Variants in MYO18A observed in about 807,000 individuals in gnomAD.
MYO18A encodes the protein unconventional myosin-XVIIIa.
Under a neutral mutation model 235.8 loss-of-function variants are expected in MYO18A, and 78 were observed. The ratio of observed to expected loss-of-function variants is 0.33; its 90% CI spans 0.28 to 0.40. The LOEUF is 0.40. Among genes scored for constraint, MYO18A ranks in the 10% least tolerant of loss-of-function variants. The pLI is 1.00. For missense variants in MYO18A, 2,215 were observed against 2,699.3 expected, an observed-to-expected ratio of 0.82 and a Z score of 3.98; for synonymous variants, 977 against 1,077.8, an observed-to-expected ratio of 0.91 and a Z score of 1.83.
rs1468625530 is a variant in MYO18A at position 29,159,478 on chromosome 17, C to A, written c.999+6464G>T. 5.9e-5 allele frequency among the ~76,000 whole-genome samples: 9 copies of A among 151,600 alleles called. 1 individual carries two copies. Among genetic ancestry groups the A allele is most frequent in the Admixed American group, 3.3e-4 (5 of 15,234 alleles). On this transcript the variant is annotated intron_variant, in intron 2 of 41. Coordinates refer to ENST00000527372, the MANE Select transcript of MYO18A (RefSeq NM_078471.4). ...GTTTTTAAAAACAAAACAAAACAAA[C>A]AAAAAAAACAGAAACAGAAACCAAA...
chr17:29,117,898 G>T lies in MYO18A; in HGVS notation c.2038+147C>A. ...TGCTTCCCGGGCCTTCTGCTCTGAA[G>T]TGGGGGGCTGAGAAGAGGCACAAGC... On this transcript the variant is annotated intron_variant, in intron 10 of 41. Coordinates refer to ENST00000527372, the MANE Select transcript of MYO18A (RefSeq NM_078471.4). This position sits in a 1 kb window ranked among gnomAD's most constrained non-coding sequence, Gnocchi z 4.6. 1.0e-6 allele frequency: 1 copy of T among 972,064 alleles called. No individual in the cohort carries two copies. The highest frequency in any genetic ancestry group is 1.5e-6 in the Non-Finnish European group (1 of 669,674). 60.2% of individuals were successfully genotyped at this position (972,064 alleles called of 1,614,324 possible). A position where few individuals can be genotyped will look rare whatever the true frequency, so the allele number is the denominator to read the frequency against.
intron 1 of MYO18A, among the ~76,000 whole-genome samples, chr17:29,173,850 C>T (rs1222955385): frequency 1.3e-5 from 2 of 152,190 alleles, no homozygotes; most frequent in Non-Finnish European, 1.5e-5. Context: ...TAGATCACTA[C>T]AGACTTGAAC....
intron 2 of MYO18A, among the ~76,000 whole-genome samples, chr17:29,144,102 C>T (rs1314077768): frequency 3.3e-5 from 5 of 152,208 alleles, no homozygotes. Context: ...CAGCTAGTCC[C>T]TCTGCTGCCC....
chr17:29,174,052 G>T (rs2068467512), intron 1 of MYO18A, among the ~76,000 whole-genome samples: 1 of 152,152 alleles, frequency 6.6e-6, no homozygotes, highest in Non-Finnish European at 1.5e-5. Context: ...AGGATTACAG[G>T]CACCACCACT....
In MYO18A at chr17:29,171,083, T is replaced by C. The variant is rs112680779; in HGVS notation, c.-81-4062A>G. ...AGGGAACTTTTTGGGGTGATATTCA[T>C]GTCCTGTATATTGATAGCGGTTTGG... On this transcript the variant is annotated intron_variant, in intron 1 of 41. Coordinates refer to ENST00000527372, the MANE Select transcript of MYO18A (RefSeq NM_078471.4). Among the ~76,000 whole-genome samples, 671 of 152,318 alleles carry C rather than the reference T, an allele frequency of 4.4e-3. 3 individuals are homozygous for C. The highest frequency in any genetic ancestry group is 0.02 in the Middle Eastern group (6 of 294).
rs761503143 is a variant in MYO18A at position 29,118,102 on chromosome 17, C to G, written c.1981G>C (p.Ala661Pro). The change falls in exon 10 of 42, where the codon GCC (alanine) becomes CCC (proline). Residue 661 changes from alanine (A) to proline (P), a missense_variant. Transcript: ENST00000527372. This position sits in a 1 kb window ranked among gnomAD's most constrained non-coding sequence, Gnocchi z 4.2. ...VLGISPDEQK[A>P]CWFILAAIYH... ...ATGGCAGCCAGAATGAACCAGCAGG[C>G]CTTCTGTTCATCGGGGGAGATGCCC... is the stretch of plus-strand genomic sequence containing the variant. 8 of 1,594,452 alleles carry G rather than the reference C, an allele frequency of 5.0e-6. No homozygotes were observed. The highest frequency in any genetic ancestry group is 6.8e-6 in the Non-Finnish European group (8 of 1,170,386).
intron 14 of MYO18A, chr17:29,114,390 C>A: frequency 2.7e-6 from 1 of 374,842 alleles, no homozygotes; most frequent in Non-Finnish European, 4.8e-6. Context: ...ACACAATCAT[C>A]CTTGAAACAC....
In MYO18A at chr17:29,126,460, AG is replaced by A. The variant is rs1487848071; in HGVS notation, c.1000-4208del. ...CCCATGCCAGCTCCTCCCTGTGAGC[AG>A]GAACAGGCACTTCCCTGATTCACAG... On this transcript the variant is annotated intron_variant, in intron 2 of 41. Transcript: ENST00000527372. This position sits in a 1 kb window ranked among gnomAD's most constrained non-coding sequence, Gnocchi z 4.1. Among the ~76,000 whole-genome samples, 1 of 152,188 alleles carries A rather than the reference AG, an allele frequency of 6.6e-6. No individual in the cohort carries two copies. Among genetic ancestry groups the A allele is most frequent in the Non-Finnish European group, 1.5e-5 (1 of 68,030 alleles).
Position 29,124,769 on chromosome 17 carries a change from T to C in MYO18A, c.1000-2516A>G, listed in dbSNP as rs140961963. 5.1e-4 allele frequency: 589 copies of C among 1,154,892 alleles called. 2 individuals are homozygous for C. In the African/African-American group the frequency reaches 8.4e-3, roughly 16 times the overall value. 71.5% of individuals were successfully genotyped at this position (1,154,892 alleles called of 1,614,324 possible). A position where few individuals can be genotyped will look rare whatever the true frequency, so the allele number is the denominator to read the frequency against. ...CTGGCACGCCCCCTTCAGCAAGTGC[T>C]CCTGAGTCAAGTGGGCCGGCACTCT... On this transcript the variant is annotated intron_variant, in intron 2 of 41. Transcript: ENST00000527372.
intron 2 of MYO18A, chr17:29,131,447 G>A (rs891022738): frequency 1.0e-6 from 1 of 985,596 alleles, no homozygotes. Flanking sequence ...TTTAACCTGA[G>A]GGAGCAGATG....
At chr17:29,086,869 G>T in intron 38 of MYO18A, 67 bp downstream of exon 38, 3 of 1,500,634 alleles carry the variant, frequency 2.0e-6, no homozygotes, top group East Asian at 2.4e-5. Flanking sequence ...AGGCCAGAGT[G>T]AGGCATACAC....
intron 22 of MYO18A, 143 bp from the exon 23 acceptor site, chr17:29,099,112 C>A (rs941547159): frequency 2.8e-6 from 3 of 1,057,730 alleles, no homozygotes; most frequent in Admixed American, 4.4e-5. Context: ...TTCTCATGCT[C>A]CCCCTTGCCC....
chr17:29,090,970 TG>T, intron 34 of MYO18A, 44 bp from the exon 35 acceptor site: 1 of 1,518,824 alleles, frequency 6.6e-7, no homozygotes, highest in Non-Finnish European at 9.1e-7. Flanking sequence ...AGGCCCAGTG[TG>T]CCTGTGGGCT....
At chr17:29,122,856 G>A (rs1053739453) in intron 2 of MYO18A, among the ~76,000 whole-genome samples, 1 of 152,228 alleles carries the variant, frequency 6.6e-6, no homozygotes, top group Non-Finnish European at 1.5e-5. Flanking sequence ...ACCCGGACCG[G>A]GGGACAGTGC....
chr17:29,130,543 C>T (rs1219091079), intron 2 of MYO18A, among the ~76,000 whole-genome samples: 1 of 150,658 alleles, frequency 6.6e-6, no homozygotes, highest in Non-Finnish European at 1.5e-5. Context: ...TTTCAAATCA[C>T]AGGCTGGCTT....
At position 29,090,698 on chromosome 17, in the gene MYO18A, G is replaced by A. The variant is rs1051053438; in HGVS notation, c.5305-83C>T. ...AGCCCAGCTGGAACACCAGGGGACCGAGGTTCCCACTCCATCACCTCCCAA... is the reference window on the plus strand; with the variant it reads ...AGCCCAGCTGGAACACCAGGGGACCAAGGTTCCCACTCCATCACCTCCCAA... On this transcript the variant is annotated intron_variant, in intron 35 of 41. Transcript: ENST00000527372. 22 of 1,537,532 alleles carry A rather than the reference G, an allele frequency of 1.4e-5. No individual in the cohort carries two copies. The African/African-American group carries it at 1.6e-4, about 11-fold the overall frequency.
In MYO18A at chr17:29,135,966, G is replaced by A. The variant is rs140551339; in HGVS notation, c.1000-13713C>T. 3.0e-4 allele frequency among the ~76,000 whole-genome samples: 46 copies of A among 152,234 alleles called. No homozygotes were observed. The South Asian group carries it at 7.0e-3, about 23-fold the overall frequency. On this transcript the variant is annotated intron_variant, in intron 2 of 41. Coordinates refer to ENST00000527372, the MANE Select transcript of MYO18A (RefSeq NM_078471.4). ...TCATGGACCGGGCGTGGTGGCTCACGCCTGTAATCCCAGAACTTTGGGAGG... is the reference window on the plus strand; with the variant it reads ...TCATGGACCGGGCGTGGTGGCTCACACCTGTAATCCCAGAACTTTGGGAGG...
intron 2 of MYO18A, among the ~76,000 whole-genome samples, chr17:29,135,614 G>T (rs2067580032): frequency 6.6e-6 from 1 of 152,126 alleles, no homozygotes; most frequent in South Asian, 2.1e-4. Flanking sequence ...GTCTATAGAG[G>T]TCCCATCTGG....
rs111982497 is a variant in MYO18A, at chr17:29,073,570, C to T, written c.*1200G>A. 89 of 344,456 alleles carry T rather than the reference C, an allele frequency of 2.6e-4. No homozygotes were observed. Among genetic ancestry groups the T allele is most frequent in the Admixed American group, 9.9e-4 (22 of 22,280 alleles). 21.3% of individuals were successfully genotyped at this position (344,456 alleles called of 1,614,324 possible). Reference sequence around the variant, plus strand: ...CATACATCGGGTAAACAGGGGAGAGCACAGCCCAGTGAGTACAAACCAATT... The same window carrying T: ...CATACATCGGGTAAACAGGGGAGAGTACAGCCCAGTGAGTACAAACCAATT... On this transcript the variant is annotated 3_prime_UTR_variant, in exon 42 of 42. Transcript: ENST00000527372.
Sources: allele counts gnomAD v4.1 joint callset (sites outside exome capture counted in the v4.1 genomes callset), GRCh38; gene constraint gnomAD v4.1.1; non-coding constraint Gnocchi (gnomAD v3.1); transcripts MANE v1.5; gene names NCBI Gene and HGNC (gene_info 2026-07-23, HGNC 2026-07-21).